KIFC2: variants seen among roughly 807,000 people sequenced by gnomAD.
KIFC2 encodes kinesin-like protein KIFC2.
In KIFC2, 94 loss-of-function variants were observed where a neutral mutation model predicts 91.5. That is an observed-to-expected ratio of 1.03 (90% CI 0.87 to 1.22). The LOEUF is 1.22. Ranked by LOEUF, KIFC2 falls within the 50% of genes most tolerant of loss-of-function variation. The pLI is 0.00. For synonymous variants in KIFC2, 729 were observed against 503.9 expected (o/e 1.45, Z -5.98); for missense variants, 1,357 against 1,103.3 (o/e 1.23, Z -3.26).
intron 6 of KIFC2, 36 bp downstream of exon 6, chr8:144,467,815 G>A (rs1440296894): frequency 1.9e-6 from 3 of 1,613,402 alleles, no homozygotes; most frequent in African/African-American, 2.7e-5. Flanking sequence ...GGCCGGGCAT[G>A]GAGGGGGTGC....
rs1824703252 is a variant in KIFC2 at position 144,467,299 on chromosome 8, G to A, written c.427G>A (p.Gly143Arg). 1.2e-6 allele frequency: 2 copies of A among 1,612,972 alleles called. No individual in the cohort carries two copies. The highest frequency in any genetic ancestry group is 1.7e-5 in the Admixed American group (1 of 59,926). ...CAGGGGGAGGCAGGCCCTGCTCCAG[G>A]GGACTCAGCCAGCCCCTCGGGTCCG... Reference protein sequence around the residue: ...SPRGRQALLQGTQPAPRVRPP... With the variant: ...SPRGRQALLQRTQPAPRVRPP... The change falls in exon 4 of 18, where the codon GGG becomes AGG. Residue 143 changes from glycine to arginine, a missense_variant. Coordinates refer to ENST00000645548, the MANE Select transcript of KIFC2 (RefSeq NM_001369769.2).
chr8:144,467,392 G>A (rs769360080), intron 4 of KIFC2, 51 bp downstream of exon 4: 4 of 1,550,016 alleles, frequency 2.6e-6, no homozygotes, highest in South Asian at 1.2e-5. Flanking sequence ...AGCAAATCCC[G>A]GTAGAACCTG....
chr8:144,473,578 T>C lies in KIFC2; in HGVS notation c.*189T>C. ...AAGTGTGTTGTGCCTGCTGAAGTGA[T>C]CACCCCCCGCCCCCAGCCCTGCATC... On this transcript the variant is annotated 3_prime_UTR_variant, in exon 18 of 18. Transcript: ENST00000645548. 1.2e-6 allele frequency: 1 copy of C among 841,006 alleles called. No homozygotes were observed. Among genetic ancestry groups the C allele is most frequent in the East Asian group, 3.1e-5 (1 of 32,648 alleles). The allele number at this position is 841,006 out of a possible 1,614,324, so 52.1% of individuals were successfully genotyped here.
chr8:144,472,102 G>A, intron 13 of KIFC2, 36 bp from the exon 14 acceptor site: 2 of 1,613,062 alleles, frequency 1.2e-6, no homozygotes, highest in South Asian at 2.2e-5. Context: ...GCATGACTTG[G>A]ATGTGAGCCC....
intron 10 of KIFC2, 44 bp downstream of exon 10, chr8:144,468,878 A>G (rs1365309728): frequency 2.6e-6 from 4 of 1,525,758 alleles, no homozygotes; most frequent in Middle Eastern, 1.7e-4. Context: ...TGGGCAGCCT[A>G]TTCACTGTTC....
chr8:144,468,697 T>C (rs761851562), intron 9 of KIFC2, 28 bp from the exon 10 acceptor site: 1 of 1,613,586 alleles, frequency 6.2e-7, no homozygotes, highest in South Asian at 1.1e-5. Flanking sequence ...AGGCTGGGCC[T>C]TCCCTTCCAA....
At position 144,467,943 on chromosome 8, in the gene KIFC2, CT is replaced by C. The variant is rs1271394159; in HGVS notation, c.767del (p.Leu256ProfsTer22). ...LKQSLSLMRD[L>X]LLHWGPGPPI... ...GCAGAGCCTGAGTCTCATGCGGGAC[CT>C]CCTGCTGCACTGGGGCCCCGGGCCC... On this transcript the variant is annotated frameshift_variant, in exon 7 of 18. Coordinates refer to ENST00000645548, the MANE Select transcript of KIFC2 (RefSeq NM_001369769.2). LOFTEE classifies it high-confidence loss of function. The C allele has an allele frequency of 6.2e-7, 1 of 1,605,378 alleles. No individual in the cohort carries two copies. Among genetic ancestry groups the C allele is most frequent in the Non-Finnish European group, 8.5e-7 (1 of 1,177,302 alleles).
In KIFC2 at chr8:144,473,237, C is replaced by T. The variant is rs758729927; in HGVS notation, c.2224C>T (p.Arg742Cys). 1.8e-5 allele frequency: 29 copies of T among 1,600,638 alleles called. No homozygotes were observed. Among genetic ancestry groups the T allele is most frequent in the Non-Finnish European group, 2.4e-5 (28 of 1,174,896 alleles). ...GCCAGCCCGGCGCCGCAGGGTCCCG[C>T]GCTCCTCCGGGACGCCTTCTTCCCT... ...LGPARRRRVP[R>C]SSGTPSSLST... Residue 742 changes from arginine (R) to cysteine (C), a missense_variant, in exon 18 of 18, where the codon CGC (arginine) becomes TGC (cysteine). By Grantham distance (180) the Arg-to-Cys change is radical (BLOSUM62 -3). Transcript: ENST00000645548.
Position 144,466,384 on chromosome 8 carries a change from G to T in KIFC2, c.-36G>T. 2 of 958,370 alleles carry T rather than the reference G, an allele frequency of 2.1e-6. No homozygotes were observed. The highest frequency in any genetic ancestry group is 2.7e-6 in the Non-Finnish European group (2 of 739,912). The allele number at this position is 958,370 out of a possible 1,614,324, so 59.4% of individuals were successfully genotyped here. A position where few individuals can be genotyped will look rare whatever the true frequency, so the allele number is the denominator to read the frequency against. The stretch of plus-strand genomic sequence containing the variant: ...GAGTCTGGGCGCGGGGACGCGGGGC[G>T]GCGCGAAGCGGGGCCCTCTGCCGCC... On this transcript the variant is annotated 5_prime_UTR_variant, in exon 1 of 18. Transcript: ENST00000645548.
Position 144,474,150 on chromosome 8 carries a change from T to A in KIFC2, c.*761T>A. 2 of 1,027,230 alleles carry A rather than the reference T, an allele frequency of 1.9e-6. No homozygotes were observed. Among genetic ancestry groups the A allele is most frequent in the Non-Finnish European group, 2.8e-6 (2 of 715,692 alleles). The allele number at this position is 1,027,230 out of a possible 1,614,324, so 63.6% of individuals were successfully genotyped here. A position where few individuals can be genotyped will look rare whatever the true frequency, so the allele number is the denominator to read the frequency against. ...GCTGCCTGGTGTTTCGAGGCTGCTG[T>A]GGTCGCAGACAGCCGCCTCGCCTTG... On this transcript the variant is annotated 3_prime_UTR_variant, in exon 18 of 18. Transcript: ENST00000645548.
In KIFC2 at chr8:144,472,866, G is replaced by C. The variant is rs2620671; in HGVS notation, c.1933G>C (p.Gly645Arg). The C allele has an allele frequency of 1.0e-5, 16 of 1,541,028 alleles. No homozygotes were observed. Among genetic ancestry groups the C allele is most frequent in the Middle Eastern group, 1.8e-4 (1 of 5,626 alleles). ...GGCAGGGGCGGCCGGCCCGCCGCGG[G>C]GAGACCCAGACGGCGCCCGGCGCCT... ...RKAGAAGPPR[G>R]DPDGARRLRE... Residue 645 changes from glycine to arginine, a missense_variant, in exon 17 of 18, where the codon GGA (glycine) becomes CGA (arginine). By Grantham distance (125) the Gly-to-Arg change is moderately radical. Coordinates refer to ENST00000645548, the MANE Select transcript of KIFC2 (RefSeq NM_001369769.2).
Position 144,473,438 on chromosome 8 carries a change from G to A in KIFC2, c.*49G>A. The A allele has an allele frequency of 1.3e-6, 2 of 1,534,694 alleles. No homozygotes were observed. Among genetic ancestry groups the A allele is most frequent in the South Asian group, 2.4e-5 (2 of 82,728 alleles). ...GGGGTCTCAGGCCAGGTCTCTGCTG[G>A]CAGAGGCGGTAGTAAAGTCCCTGTA... On this transcript the variant is annotated 3_prime_UTR_variant, in exon 18 of 18. Transcript: ENST00000645548.
rs775643778 is a variant in KIFC2 at position 144,473,349 on chromosome 8, C to T, written c.2336C>T (p.Ser779Leu). ...SPPCPSPDNG[S>L]GSALAPAEGL... ...CCATGCCCCAGTCCCGACAACGGCT[C>T]GGGCTCGGCTCTCGCGCCCGCAGAG... is the stretch of plus-strand genomic sequence containing the variant. Residue 779 changes from serine to leucine, a missense_variant, in exon 18 of 18, where the codon TCG (serine) becomes TTG (leucine). By Grantham distance (145) the Ser-to-Leu change is moderately radical. Coordinates refer to ENST00000645548, the MANE Select transcript of KIFC2 (RefSeq NM_001369769.2). The T allele has an allele frequency of 1.6e-5, 26 of 1,586,430 alleles. No individual in the cohort carries two copies. In the East Asian group the frequency reaches 2.5e-4, roughly 16 times the overall value.
rs200068804 is a variant in KIFC2 at position 144,469,561 on chromosome 8, G to T, written c.1294G>T (p.Gly432Trp). 523 of 1,613,480 alleles carry T rather than the reference G, an allele frequency of 3.2e-4. 3 individuals are homozygous for T. Among genetic ancestry groups the T allele is most frequent in the Non-Finnish European group, 5.5e-5 (65 of 1,179,914 alleles). The change falls in exon 12 of 18, where the codon GGG (glycine) becomes TGG (tryptophan). Residue 432 changes from glycine to tryptophan, a missense_variant. Coordinates refer to ENST00000645548, the MANE Select transcript of KIFC2 (RefSeq NM_001369769.2). ...CCTTGTGAGTGTGGAGCCTGGCCCA[G>T]GGGGCACCGTCACCACCTGCTACCG... The part of the protein sequence containing the change: ...SSLVSVEPGP[G>W]GTVTTCYRGR...
chr8:144,469,012 T>C (rs754364232), intron 10 of KIFC2, among the ~76,000 whole-genome samples, 178 bp downstream of exon 10: 1 of 152,158 alleles, frequency 6.6e-6, no homozygotes, highest in South Asian at 2.1e-4. Context: ...CTATGCATAC[T>C]TGGTTGACAG....
In KIFC2 at chr8:144,469,479, C is replaced by A. The variant is rs755131194; in HGVS notation, c.1223-11C>A. On this transcript the variant is annotated splice_polypyrimidine_tract_variant and intron_variant, in intron 11 of 17. Transcript: ENST00000645548. ...CTGCGAGGCATTATGCTGACCTGAT[C>A]CCCACTGCAGGAAATATCCGTGTGC... 1 of 1,613,980 alleles carries A rather than the reference C, an allele frequency of 6.2e-7. No individual in the cohort carries two copies. The highest frequency in any genetic ancestry group is 8.5e-7 in the Non-Finnish European group (1 of 1,180,002).
intron 12 of KIFC2, among the ~76,000 whole-genome samples, chr8:144,471,625 C>T (rs1319408752): frequency 6.6e-6 from 1 of 152,132 alleles, no homozygotes; most frequent in Non-Finnish European, 1.5e-5. Context: ...ACATTAAGGA[C>T]ACCACACCTG....
Position 144,473,190 on chromosome 8 carries a change from G to A in KIFC2, c.2177G>A (p.Arg726Gln). The change falls in exon 18 of 18, where the codon CGA becomes CAA. Residue 726 changes from arginine (R) to glutamine (Q), a missense_variant. By Grantham distance (43) the Arg-to-Gln change is conservative. Transcript: ENST00000645548. ...ETVCSLKFADRVGQVELGPAR... is the reference protein window; with the variant it reads ...ETVCSLKFADQVGQVELGPAR... ...GTCTGCTCCCTCAAGTTCGCCGACC[G>A]AGTGGGTCAAGTGGAGCTGGGGCCA... The A allele has an allele frequency of 1.9e-6, 3 of 1,577,792 alleles. No homozygotes were observed. Among genetic ancestry groups the A allele is most frequent in the South Asian group, 2.3e-5 (2 of 86,726 alleles).
At position 144,472,663 on chromosome 8, in the gene KIFC2, G is replaced by C. The variant is rs1207217709; in HGVS notation, c.1818G>C (p.Leu606=). 3 of 1,597,582 alleles carry C rather than the reference G, an allele frequency of 1.9e-6. No homozygotes were observed. The highest frequency in any genetic ancestry group is 2.5e-6 in the Non-Finnish European group (3 of 1,178,596). Residue 606 remains leucine, a synonymous_variant, in exon 16 of 18, where the codon CTG becomes CTC. Coordinates refer to ENST00000645548, the MANE Select transcript of KIFC2 (RefSeq NM_001369769.2). ...CCCGCTCGCATGCCCTGGTCACGCT[G>C]ACGCTGCGCGCGGCGTCTCCACCGC... ...RSSRSHALVT[L]TLRAASPPRA... is the part of the protein sequence containing the mutation.
Sources: allele counts gnomAD v4.1 joint callset (sites outside exome capture counted in the v4.1 genomes callset), GRCh38; gene constraint gnomAD v4.1.1; transcripts MANE v1.5; gene names NCBI Gene and HGNC (gene_info 2026-07-23, HGNC 2026-07-21).